DYSF: variants seen among roughly 807,000 people sequenced by gnomAD.
DYSF encodes the protein dystrophy-associated fer-1-like 1.
In DYSF, 212 loss-of-function variants were observed where a neutral mutation model predicts 274.9. The observed-to-expected ratio is 0.77, with a 90% confidence interval of 0.69 to 0.86. The LOEUF is 0.86. Ranked by LOEUF, DYSF falls within the 40% of genes least tolerant of loss-of-function variation. The probability of loss-of-function intolerance (pLI) is 0.00; values close to 1 mark genes in which losing one functional copy is unlikely to be tolerated. For synonymous variants in DYSF, 1,091 were observed against 1,078.7 expected, an observed-to-expected ratio of 1.01 and a Z score of -0.22; for missense variants, 2,666 against 2,783.2, an observed-to-expected ratio of 0.96 and a Z score of 0.95.
chr2:71,653,686 G>A (rs963072491), intron 42 of DYSF, among the ~76,000 whole-genome samples: 1 of 150,354 alleles, frequency 6.7e-6, no homozygotes, highest in East Asian at 2.0e-4. Flanking sequence ...GGGAGGGATA[G>A]CATTAGGAGA....
chr2:71,475,729 T>C (rs924145062), intron 1 of DYSF, among the ~76,000 whole-genome samples: 1 of 152,290 alleles, frequency 6.6e-6, no homozygotes, highest in East Asian at 1.9e-4. Context: ...GATATTATGA[T>C]GATGAAATTG....
chr2:71,625,229 C>T (rs2094187987), intron 41 of DYSF, among the ~76,000 whole-genome samples: 1 of 151,806 alleles, frequency 6.6e-6, no homozygotes, highest in African/African-American at 2.4e-5. Context: ...ATCACTTTAT[C>T]TCTTTCTCTC....
At chr2:71,532,032 C>T (rs1489339442) in intron 14 of DYSF, among the ~76,000 whole-genome samples, 1 of 152,080 alleles carries the variant, frequency 6.6e-6, no homozygotes, top group Non-Finnish European at 1.5e-5. Flanking sequence ...TCATAACTAC[C>T]ATGAATAATG....
chr2:71,589,501 C>T, intron 30 of DYSF, 92 bp from the exon 31 acceptor site: 3 of 1,005,702 alleles, frequency 3.0e-6, no homozygotes, highest in South Asian at 2.5e-5. Context: ...GGAGAGATCT[C>T]CTGGCCCTGG....
chr2:71,539,062 C>A (rs917586059), intron 16 of DYSF, 95 bp from the exon 17 acceptor site: 23 of 1,090,782 alleles, frequency 2.1e-5, no homozygotes, highest in African/African-American at 6.2e-5. Context: ...CCCCCGCCCC[C>A]CTGTGATGTG....
intron 54 of DYSF, 50 bp downstream of exon 54, chr2:71,681,160 G>A (rs2095291788): frequency 1.3e-6 from 2 of 1,559,546 alleles, no homozygotes; most frequent in East Asian, 2.2e-5. Flanking sequence ...GGGGGTATAG[G>A]CCACAGTCCA....
At chr2:71,519,402 G>A (rs535526065) in intron 10 of DYSF, among the ~76,000 whole-genome samples, 1 of 152,130 alleles carries the variant, frequency 6.6e-6, no homozygotes, top group East Asian at 1.9e-4. Flanking sequence ...TTAAAAAAAA[G>A]ACGACTTTTT....
intron 39 of DYSF, 42 bp from the exon 40 acceptor site, chr2:71,613,292 G>A: frequency 6.3e-7 from 1 of 1,580,420 alleles, no homozygotes; most frequent in South Asian, 1.1e-5. Flanking sequence ...CGAGCCTTTT[G>A]AGAGAGCCCC....
intron 35 of DYSF, among the ~76,000 whole-genome samples, chr2:71,601,801 G>A (rs1239686688): frequency 6.6e-6 from 1 of 152,196 alleles, no homozygotes; most frequent in African/African-American, 2.4e-5. Flanking sequence ...GCTTTCAGCT[G>A]GCTGAGCATT....
intron 24 of DYSF, among the ~76,000 whole-genome samples, chr2:71,566,560 A>G (rs2092119947): frequency 6.6e-6 from 1 of 151,604 alleles, no homozygotes; most frequent in Non-Finnish European, 1.5e-5. Flanking sequence ...CCCAAACTAG[A>G]CATTTCTTTA....
chr2:71,645,447 A>G (rs554593945), intron 42 of DYSF, among the ~76,000 whole-genome samples: 200 of 151,856 alleles, frequency 1.3e-3, no homozygotes, highest in African/African-American at 4.7e-3. Context: ...CTCCTACGCC[A>G]GTGGGTCCTT....
rs200943384 is a variant in DYSF at position 71,570,325 on chromosome 2, G to A, written c.3076G>A (p.Asp1026Asn). 1.2e-5 allele frequency: 19 copies of A among 1,614,042 alleles called. No individual in the cohort carries two copies. Among genetic ancestry groups the A allele is most frequent in the East Asian group, 8.9e-5 (4 of 44,872 alleles). Residue 1026 changes from aspartate (D) to asparagine (N), a missense_variant, in exon 28 of 56, where the codon GAT becomes AAT. Asp to Asn is a conservative substitution (Grantham distance 23). Coordinates refer to ENST00000410020, the MANE Select transcript of DYSF (RefSeq NM_001130987.2). ...GTCCACAGACCTCAACCGGGCTGTC[G>A]ATGAGCAAGGTGGGCAGCATGTGGA... ...EWSTDLNRAVDEQGWEYSITI... is the reference protein window; with the variant it reads ...EWSTDLNRAVNEQGWEYSITI...
chr2:71,596,092 T>G (rs532142119), intron 32 of DYSF, among the ~76,000 whole-genome samples: 6 of 148,604 alleles, frequency 4.0e-5, no homozygotes, highest in African/African-American at 1.2e-4. Context: ...GCCCCAGGCC[T>G]CCAGGCCTGC....
intron 43 of DYSF, 139 bp downstream of exon 43, chr2:71,656,429 T>G (rs946958947): frequency 1.6e-6 from 2 of 1,276,392 alleles, no homozygotes; most frequent in African/African-American, 2.9e-5. Context: ...GAGGTGGTGA[T>G]GGTGATGCCG....
chr2:71,637,928 G>A (rs1169281263), intron 41 of DYSF, among the ~76,000 whole-genome samples: 1 of 152,148 alleles, frequency 6.6e-6, no homozygotes, highest in Non-Finnish European at 1.5e-5. Context: ...TGAGCAGCCG[G>A]CCAGCTGGTG....
At chr2:71,573,384 G>A (rs2092590019) in intron 29 of DYSF, among the ~76,000 whole-genome samples, 1 of 152,166 alleles carries the variant, frequency 6.6e-6, no homozygotes, top group Non-Finnish European at 1.5e-5. Flanking sequence ...TCCAGGACTG[G>A]CCCTTGTCAC....
At chr2:71,638,495 C>T (rs968731350) in intron 41 of DYSF, among the ~76,000 whole-genome samples, 2 of 152,148 alleles carry the variant, frequency 1.3e-5, no homozygotes, top group African/African-American at 4.8e-5. Context: ...CTCTCCCAAC[C>T]ACTCCCAGCC....
At chr2:71,632,786 A>T (rs1391780994) in intron 41 of DYSF, among the ~76,000 whole-genome samples, 1 of 152,030 alleles carries the variant, frequency 6.6e-6, no homozygotes, top group Non-Finnish European at 1.5e-5. Context: ...GCCCCCAAGG[A>T]TCTATCTTAG....
At position 71,686,625 on chromosome 2, in the gene DYSF, A is replaced by G; in HGVS notation, c.*133A>G. The G allele has an allele frequency of 1.9e-6, 2 of 1,050,008 alleles. No individual in the cohort carries two copies. Among genetic ancestry groups the G allele is most frequent in the Non-Finnish European group, 2.9e-6 (2 of 679,798 alleles). 65.0% of individuals were successfully genotyped at this position (1,050,008 alleles called of 1,614,324 possible). ...GTCCTGCCAGGGTGGGCAGACAGAC[A>G]GATGGACCGGCCCACACTCCCAGAG... is the stretch of plus-strand genomic sequence containing the variant. On this transcript the variant is annotated 3_prime_UTR_variant, in exon 56 of 56. Coordinates refer to ENST00000410020, the MANE Select transcript of DYSF (RefSeq NM_001130987.2).
Sources: allele counts gnomAD v4.1 joint callset (sites outside exome capture counted in the v4.1 genomes callset), GRCh38; gene constraint gnomAD v4.1.1; transcripts MANE v1.5; gene names NCBI Gene and HGNC (gene_info 2026-07-23, HGNC 2026-07-21).